Variants in CSMD1 observed in about 807,000 individuals in gnomAD.
CSMD1 encodes CUB and sushi domain-containing protein 1.
A neutral mutation model predicts 417.5 loss-of-function variants in CSMD1; 213 were observed. The ratio of observed to expected loss-of-function variants is 0.51; its 90% CI spans 0.46 to 0.57. CSMD1 has a LOEUF of 0.57. CSMD1 is among the 20% of genes least tolerant of loss of function. CSMD1 has a pLI of 0.00. For missense variants in CSMD1, 6,923 were observed against 4,529.7 expected (o/e 1.53, Z -15.17); for synonymous variants, 2,862 against 1,736.8 (o/e 1.65, Z -16.11).
intron 3 of CSMD1, among the ~76,000 whole-genome samples, chr8:4,256,093 C>G (rs1282827406): frequency 6.6e-6 from 1 of 152,180 alleles, no homozygotes; most frequent in Admixed American, 6.5e-5. Context: ...GTAGGTGAAT[C>G]CCAGACTACT....
chr8:4,026,966 T>C (rs1266661379), intron 4 of CSMD1, among the ~76,000 whole-genome samples: 1 of 152,164 alleles, frequency 6.6e-6, no homozygotes, highest in Non-Finnish European at 1.5e-5. Flanking sequence ...TACTTTGCAG[T>C]GTTTGCCAAT....
intron 5 of CSMD1, among the ~76,000 whole-genome samples, chr8:3,887,806 C>G (rs1806666866): frequency 6.6e-6 from 1 of 152,184 alleles, no homozygotes; most frequent in African/African-American, 2.4e-5. Flanking sequence ...CATTTTGCCT[C>G]TGTCTGCCTC....
At chr8:3,317,634 G>A (rs930967032) in intron 23 of CSMD1, among the ~76,000 whole-genome samples, 7 of 152,114 alleles carry the variant, frequency 4.6e-5, no homozygotes, top group African/African-American at 7.2e-5. Flanking sequence ...TGTAAGGATG[G>A]CTCCTTTTGT....
chr8:4,345,039 G>C (rs558312179), intron 3 of CSMD1, among the ~76,000 whole-genome samples: 2 of 152,052 alleles, frequency 1.3e-5, no homozygotes, highest in South Asian at 4.1e-4. Context: ...ATAACATCAA[G>C]CTCAGAATTC....
chr8:4,528,627 G>T (rs950253492), intron 2 of CSMD1, among the ~76,000 whole-genome samples: 1 of 152,176 alleles, frequency 6.6e-6, no homozygotes, highest in Non-Finnish European at 1.5e-5. Context: ...TAGTGTTGAT[G>T]TATAGGTTTA....
intron 1 of CSMD1, among the ~76,000 whole-genome samples, chr8:4,691,833 T>C (rs577854152): frequency 3.3e-5 from 5 of 151,972 alleles, no homozygotes; most frequent in African/African-American, 1.2e-4. Flanking sequence ...GTCGAAGAGG[T>C]TTTAATGGGC....
chr8:4,624,571 C>A (rs888814622), intron 2 of CSMD1, among the ~76,000 whole-genome samples: 4 of 152,162 alleles, frequency 2.6e-5, no homozygotes, highest in Non-Finnish European at 2.9e-5. Context: ...ATTGAAGATT[C>A]TTTGCTGCTG....
chr8:3,443,422 T>C (rs1815114769), intron 12 of CSMD1, among the ~76,000 whole-genome samples: 1 of 152,300 alleles, frequency 6.6e-6, no homozygotes, highest in South Asian at 2.1e-4. Flanking sequence ...CTAAAACACA[T>C]TACTGCTTAC....
chr8:3,543,051 G>A (rs997298135), intron 10 of CSMD1, among the ~76,000 whole-genome samples: 2 of 152,128 alleles, frequency 1.3e-5, no homozygotes, highest in African/African-American at 4.8e-5. Context: ...TGTCTCGCTG[G>A]GCTCAGACAA....
intron 52 of CSMD1, among the ~76,000 whole-genome samples, chr8:3,004,720 C>A (rs6983471): frequency 0.018 from 2,712 of 152,308 alleles, 80 homozygotes; most frequent in African/African-American, 0.061. Context: ...ACAGGTATGA[C>A]TGTGGACAGG....
intron 2 of CSMD1, among the ~76,000 whole-genome samples, chr8:4,563,509 C>T (rs577189032): frequency 6.6e-6 from 1 of 152,294 alleles, no homozygotes; most frequent in South Asian, 2.1e-4. Flanking sequence ...GCCGGCTATA[C>T]CTGCCCTGCC....
intron 3 of CSMD1, among the ~76,000 whole-genome samples, chr8:4,152,246 G>C (rs555826910): frequency 1.1e-4 from 16 of 152,284 alleles, no homozygotes; most frequent in Admixed American, 3.9e-4. Context: ...ACTTTCTCAA[G>C]AGAATGCTCT....
At chr8:4,343,103 G>T (rs948420777) in intron 3 of CSMD1, among the ~76,000 whole-genome samples, 2 of 151,986 alleles carry the variant, frequency 1.3e-5, no homozygotes, top group African/African-American at 4.8e-5. Flanking sequence ...AAGGGATATG[G>T]GGTATTTTAT....
intron 5 of CSMD1, among the ~76,000 whole-genome samples, chr8:3,897,649 C>G (rs1288016106): frequency 1.3e-5 from 2 of 152,030 alleles, no homozygotes. Flanking sequence ...CAAATTATCA[C>G]CATAATCGTT....
At chr8:3,989,079 G>A (rs1396392229) in intron 5 of CSMD1, among the ~76,000 whole-genome samples, 1 of 152,094 alleles carries the variant, frequency 6.6e-6, no homozygotes, top group African/African-American at 2.4e-5. Context: ...ACTCTCTATG[G>A]CACTGTTTCT....
chr8:3,739,581 A>G lies in CSMD1; in HGVS notation c.931+14349T>C, dbSNP rs1796691205. ...AACTGATTAAATCTGGGAATGCTTA[A>G]GTTTTTGAAAACTAACACATTAAGT... On this transcript the variant is annotated intron_variant, in intron 6 of 69. Coordinates refer to ENST00000635120, the MANE Select transcript of CSMD1 (RefSeq NM_033225.6). Among the ~76,000 whole-genome samples, 4 of 152,192 alleles carry G rather than the reference A, an allele frequency of 2.6e-5. No individual in the cohort carries two copies. In the South Asian group the frequency reaches 8.3e-4, roughly 31 times the overall value.
chr8:4,136,240 C>T (rs919764316), intron 3 of CSMD1, among the ~76,000 whole-genome samples: 5 of 152,128 alleles, frequency 3.3e-5, no homozygotes, highest in African/African-American at 1.2e-4. Flanking sequence ...AACTATTGAA[C>T]CAGACTTGAC....
At chr8:3,923,420 T>C (rs1440550437) in intron 5 of CSMD1, among the ~76,000 whole-genome samples, 1 of 152,236 alleles carries the variant, frequency 6.6e-6, no homozygotes, top group Non-Finnish European at 1.5e-5. Flanking sequence ...AATTTGATTA[T>C]ATTAATTTGC....
intron 3 of CSMD1, among the ~76,000 whole-genome samples, chr8:4,040,711 A>T (rs1946279571): frequency 6.6e-6 from 1 of 152,300 alleles, no homozygotes; most frequent in African/African-American, 2.4e-5. Context: ...AATAGCAAAA[A>T]CACTGCAGGA....
Sources: allele counts gnomAD v4.1 joint callset (sites outside exome capture counted in the v4.1 genomes callset), GRCh38; gene constraint gnomAD v4.1.1; transcripts MANE v1.5; gene names NCBI Gene and HGNC (gene_info 2026-07-23, HGNC 2026-07-21).